Variants in WNT3A observed in about 807,000 individuals in gnomAD.
WNT3A encodes the protein protein Wnt-3a.
WNT3A carries 17 observed loss-of-function variants against 37.0 expected under a neutral mutation model. That is an observed-to-expected ratio of 0.46 (90% confidence interval 0.31 to 0.69). The LOEUF is 0.69. Among genes scored for constraint, WNT3A ranks in the 30% least tolerant of loss-of-function variants. The probability of loss-of-function intolerance (pLI) is 0.05; values close to 1 mark genes in which losing one functional copy is unlikely to be tolerated. For synonymous variants in WNT3A, 187 were observed against 211.0 expected, an observed-to-expected ratio of 0.89 and a Z score of 0.99; for missense variants, 411 against 510.2, an observed-to-expected ratio of 0.81 and a Z score of 1.87.
At chr1:228,009,669 G>A (rs758818153) in intron 1 of WNT3A, among the ~76,000 whole-genome samples, 5 of 152,160 alleles carry the variant, frequency 3.3e-5, no homozygotes, top group South Asian at 2.1e-4. Context: ...CACCATCACC[G>A]GCACATGAAA....
In WNT3A at chr1:228,007,768, C is replaced by T. The variant is rs905238569; in HGVS notation, c.71+569C>T. Among the ~76,000 whole-genome samples, 1 of 151,992 alleles carries T rather than the reference C, an allele frequency of 6.6e-6. No individual in the cohort carries two copies. The highest frequency in any genetic ancestry group is 1.5e-5 in the Non-Finnish European group (1 of 67,972). On this transcript the variant is annotated intron_variant, in intron 1 of 3. Transcript: ENST00000284523. The surrounding 1 kb of genome is among the most constrained non-coding windows in gnomAD (Gnocchi z 6.0). Reference sequence around the variant, plus strand: ...CGCACTGGGGGCCGGCCCTGGGCCCCGCGCGCCTCCCCGCCGCAGTCCGGG... The same window carrying T: ...CGCACTGGGGGCCGGCCCTGGGCCCTGCGCGCCTCCCCGCCGCAGTCCGGG...
intron 2 of WNT3A, among the ~76,000 whole-genome samples, chr1:228,023,290 AAGAC>A (rs142995124): frequency 0.031 from 4,649 of 151,278 alleles, 258 homozygotes; most frequent in African/African-American, 0.11. Context: ...GACAGAGAGA[AAGAC>A]AGAGAGAGAC....
chr1:228,047,572 G>A (rs945472291), intron 2 of WNT3A, among the ~76,000 whole-genome samples: 3 of 152,180 alleles, frequency 2.0e-5, no homozygotes. Flanking sequence ...TAGGCAGCCT[G>A]CAACCACATG....
Position 228,039,128 on chromosome 1 carries a change from G to A in WNT3A, c.314-11528G>A, listed in dbSNP as rs1297399131. On this transcript the variant is annotated intron_variant, in intron 2 of 3. Coordinates refer to ENST00000284523, the MANE Select transcript of WNT3A (RefSeq NM_033131.4). The surrounding 1 kb of genome is among the most constrained non-coding windows in gnomAD (Gnocchi z 4.1). ...AGACAGTCAGCATTGCCAGGGGAAA[G>A]AGACGAAGCCACAGGTTTCCAGGGG... Among the ~76,000 whole-genome samples the A allele has an allele frequency of 1.7e-4, 26 of 152,200 alleles. No homozygotes were observed. Among genetic ancestry groups the A allele is most frequent in the Admixed American group, 1.6e-3 (25 of 15,288 alleles).
chr1:228,012,064 C>T (rs919639296), intron 1 of WNT3A, among the ~76,000 whole-genome samples: 2 of 152,234 alleles, frequency 1.3e-5, no homozygotes, highest in Non-Finnish European at 2.9e-5. Context: ...GTTTGCTTCG[C>T]ATAAGCCTCC....
chr1:228,060,441 G>A lies in WNT3A; in HGVS notation c.*976G>A. 1 of 559,692 alleles carries A rather than the reference G, an allele frequency of 1.8e-6. No individual in the cohort carries two copies. Among genetic ancestry groups the A allele is most frequent in the South Asian group, 1.8e-5 (1 of 54,750 alleles). 34.7% of individuals were successfully genotyped at this position (559,692 alleles called of 1,614,324 possible). ...GGGGTTTGACCACCCACCTGACCAG[G>A]GGCCCTACCTGGGGAAAGCCTGAAG... On this transcript the variant is annotated 3_prime_UTR_variant, in exon 4 of 4. Coordinates refer to ENST00000284523, the MANE Select transcript of WNT3A (RefSeq NM_033131.4).
At chr1:228,047,043 C>T (rs2031436561) in intron 2 of WNT3A, among the ~76,000 whole-genome samples, 1 of 152,112 alleles carries the variant, frequency 6.6e-6, no homozygotes, top group African/African-American at 2.4e-5. Context: ...GGCTGAGAGG[C>T]CCCAGGGCCA....
intron 2 of WNT3A, among the ~76,000 whole-genome samples, chr1:228,036,377 ATGTGTG>A (rs35733653): frequency 1.3e-5 from 2 of 150,390 alleles, no homozygotes; most frequent in Non-Finnish European, 3.0e-5. Flanking sequence ...ATGCATGTGC[ATGTGTG>A]TGTGTGTGTG....
chr1:228,035,257 G>T (rs1413496235), intron 2 of WNT3A, among the ~76,000 whole-genome samples: 1 of 152,224 alleles, frequency 6.6e-6, no homozygotes, highest in East Asian at 1.9e-4. Flanking sequence ...GAATCCTCAT[G>T]CCCATCTGTT....
At chr1:228,009,633 C>T (rs1571789257) in intron 1 of WNT3A, among the ~76,000 whole-genome samples, 2 of 152,150 alleles carry the variant, frequency 1.3e-5, no homozygotes. Context: ...AACATGAAGC[C>T]GCTGGCCCCT....
chr1:228,019,173 T>G (rs991011671), intron 1 of WNT3A, among the ~76,000 whole-genome samples: 2 of 152,206 alleles, frequency 1.3e-5, no homozygotes, highest in South Asian at 2.1e-4. Flanking sequence ...GGCTTCAGAC[T>G]TGGGAGTCCA....
Position 228,056,691 on chromosome 1 carries a change from C to T in WNT3A, c.580-2295C>T, listed in dbSNP as rs181150622. Reference sequence around the variant, plus strand: ...GCAGACCAAACAGGCCACTAAGTGACGAGAACAACAGAAGAAAAAGATCTA... The same window carrying T: ...GCAGACCAAACAGGCCACTAAGTGATGAGAACAACAGAAGAAAAAGATCTA... On this transcript the variant is annotated intron_variant, in intron 3 of 3. Coordinates refer to ENST00000284523, the MANE Select transcript of WNT3A (RefSeq NM_033131.4). Among the ~76,000 whole-genome samples the T allele has an allele frequency of 9.3e-4, 142 of 152,236 alleles. 2 individuals are homozygous for T. In the East Asian group the frequency reaches 0.015, roughly 16 times the overall value.
intron 2 of WNT3A, among the ~76,000 whole-genome samples, chr1:228,029,946 G>A (rs2030958545): frequency 6.6e-6 from 1 of 151,982 alleles, no homozygotes; most frequent in South Asian, 2.1e-4. Flanking sequence ...CAAAAAATAA[G>A]TTAACATATA....
chr1:228,017,120 G>A (rs1173245030), intron 1 of WNT3A, among the ~76,000 whole-genome samples: 3 of 152,222 alleles, frequency 2.0e-5, no homozygotes, highest in Admixed American at 2.0e-4. Context: ...TTAGCCGGTG[G>A]CTGTGGCAAA....
chr1:228,013,509 A>T (rs2030437760), intron 1 of WNT3A, among the ~76,000 whole-genome samples: 1 of 152,202 alleles, frequency 6.6e-6, no homozygotes, highest in African/African-American at 2.4e-5. Context: ...ACTCGTTCAA[A>T]GTATGTGTCA....
At chr1:228,016,469 C>T (rs1274837925) in intron 1 of WNT3A, among the ~76,000 whole-genome samples, 5 of 152,060 alleles carry the variant, frequency 3.3e-5, no homozygotes, top group Admixed American at 1.3e-4. Context: ...CACCCATGTC[C>T]CCCTGGGTGG....
intron 2 of WNT3A, among the ~76,000 whole-genome samples, chr1:228,036,512 G>A (rs1217785699): frequency 1.3e-5 from 2 of 152,178 alleles, no homozygotes; most frequent in Non-Finnish European, 2.9e-5. Context: ...CTGAGGCTGG[G>A]AGAAACCATC....
At chr1:228,046,042 C>T (rs755535236) in intron 2 of WNT3A, among the ~76,000 whole-genome samples, 8 of 152,338 alleles carry the variant, frequency 5.3e-5, no homozygotes, top group Admixed American at 3.9e-4. Context: ...GATCCCTGGC[C>T]GCTCCCCTCA....
intron 1 of WNT3A, among the ~76,000 whole-genome samples, chr1:228,014,655 C>T (rs1336370733): frequency 2.6e-5 from 4 of 152,246 alleles, no homozygotes; most frequent in African/African-American, 7.2e-5. Context: ...CCTCCAGTGC[C>T]GCCACGTAAG....
Sources: allele counts gnomAD v4.1 joint callset (sites outside exome capture counted in the v4.1 genomes callset), GRCh38; gene constraint gnomAD v4.1.1; non-coding constraint Gnocchi (gnomAD v3.1); transcripts MANE v1.5; gene names NCBI Gene and HGNC (gene_info 2026-07-23, HGNC 2026-07-21).